The following SMG7 variants were observed in gnomAD, a reference collection of about 807,000 sequenced individuals.
The protein encoded by SMG7 is nonsense-mediated mRNA decay factor SMG7.
Under a neutral mutation model 148.2 loss-of-function variants are expected in SMG7, and 34 were observed. The observed-to-expected ratio is 0.23, with a 90% CI of 0.17 to 0.31. SMG7 has a LOEUF of 0.31. Ranked by LOEUF, SMG7 falls within the 10% of genes least tolerant of loss-of-function variation. The pLI, the probability that SMG7 is intolerant of heterozygous loss-of-function variation, is 1.00. For synonymous variants in SMG7, 492 were observed against 515.1 expected (o/e 0.96, Z 0.61); for missense variants, 1,114 against 1,408.4 (o/e 0.79, Z 3.35).
In SMG7 at chr1:183,546,264, T is replaced by C. The variant is rs193125763; in HGVS notation, c.2669T>C (p.Ile890Thr). Residue 890 changes from isoleucine (I) to threonine (T), a missense_variant, in exon 17 of 23, where the codon ATA (isoleucine) becomes ACA (threonine). Transcript: ENST00000688051. ...TCTGTAATGGCACAGCAAGCAAACA[T>C]AGACCGCAGGGGCAAACGGTCACCA... Reference protein sequence around the residue: ...NRSVMAQQANIDRRGKRSPGV... With the variant: ...NRSVMAQQANTDRRGKRSPGV... 2 of 1,613,956 alleles carry C rather than the reference T, an allele frequency of 1.2e-6. No individual in the cohort carries two copies. Among genetic ancestry groups the C allele is most frequent in the Non-Finnish European group, 1.7e-6 (2 of 1,179,946 alleles).
In SMG7 at chr1:183,552,728, C is replaced by T. The variant is rs886250228; in HGVS notation, c.*797C>T. On this transcript the variant is annotated 3_prime_UTR_variant, in exon 23 of 23. Transcript: ENST00000688051. ...TAGACTGCTGTAGGATTTCAAATTA[C>T]GTTTTTGATTCCTGTACATTTTACA... is the stretch of plus-strand genomic sequence containing the variant. 9.1e-6 allele frequency: 12 copies of T among 1,319,346 alleles called. No individual in the cohort carries two copies. Among genetic ancestry groups the T allele is most frequent in the Middle Eastern group, 2.9e-4 (1 of 3,480 alleles). The allele number at this position is 1,319,346 out of a possible 1,614,324, so 81.7% of individuals were successfully genotyped here.
intron 6 of SMG7, 23 bp from the exon 7 acceptor site, chr1:183,528,869 A>AGAATCTTAACTTTCTCCT: frequency 6.2e-7 from 1 of 1,600,256 alleles, no homozygotes; most frequent in Non-Finnish European, 8.5e-7. Context: ...GGGTTACTCC[A>AGAATCTTAACTTTCTCCT]GAATCTTAAC....
intron 10 of SMG7, among the ~76,000 whole-genome samples, chr1:183,534,870 A>G (rs972828016): frequency 6.6e-6 from 1 of 151,934 alleles, no homozygotes; most frequent in African/African-American, 2.4e-5. Flanking sequence ...GAAAGACCTT[A>G]TGGTCTGTCT....
intron 1 of SMG7, among the ~76,000 whole-genome samples, chr1:183,492,482 A>G (rs1657311518): frequency 6.6e-6 from 1 of 152,226 alleles, no homozygotes; most frequent in South Asian, 2.1e-4. Context: ...TTTTGAAATC[A>G]GGTAATCTAA....
intron 4 of SMG7, among the ~76,000 whole-genome samples, chr1:183,526,200 G>A (rs949805639): frequency 3.3e-5 from 5 of 150,288 alleles, no homozygotes; most frequent in Admixed American, 6.6e-5. Flanking sequence ...CCAGGCTGGA[G>A]TGCAGTGGCG....
chr1:183,503,002 C>G (rs1660082696), intron 1 of SMG7, among the ~76,000 whole-genome samples: 1 of 152,186 alleles, frequency 6.6e-6, no homozygotes, highest in South Asian at 2.1e-4. Flanking sequence ...AGTGATACCT[C>G]TAGCCTGGCC....
chr1:183,480,833 C>T (rs1372525784), intron 1 of SMG7, among the ~76,000 whole-genome samples: 2 of 152,150 alleles, frequency 1.3e-5, no homozygotes, highest in South Asian at 2.1e-4. Flanking sequence ...TTCCTGCAAG[C>T]ATCAAGAAGG....
chr1:183,529,121 A>G, intron 7 of SMG7, 79 bp downstream of exon 7: 1 of 1,327,358 alleles, frequency 7.5e-7, no homozygotes, highest in Non-Finnish European at 1.0e-6. Flanking sequence ...AATTTGGTTT[A>G]CAGAAAATAA....
intron 1 of SMG7, among the ~76,000 whole-genome samples, chr1:183,486,651 C>T (rs1417786966): frequency 2.6e-5 from 4 of 151,970 alleles, no homozygotes; most frequent in Non-Finnish European, 5.9e-5. Context: ...CCTCGTGATC[C>T]ACCTGCATTG....
chr1:183,474,535 G>A (rs1257400826), intron 1 of SMG7, among the ~76,000 whole-genome samples: 1 of 152,218 alleles, frequency 6.6e-6, no homozygotes. Context: ...TTGCACTCCA[G>A]CCTGGGCAAC....
chr1:183,519,744 A>G (rs998880864), intron 4 of SMG7, among the ~76,000 whole-genome samples: 1 of 152,126 alleles, frequency 6.6e-6, no homozygotes, highest in African/African-American at 2.4e-5. Flanking sequence ...AGACCACACT[A>G]TATATCCATT....
Position 183,546,141 on chromosome 1 carries a change from T to A in SMG7, c.2546T>A (p.Met849Lys). The A allele has an allele frequency of 6.2e-7, 1 of 1,613,692 alleles. No homozygotes were observed. Among genetic ancestry groups the A allele is most frequent in the Non-Finnish European group, 8.5e-7 (1 of 1,179,836 alleles). The change falls in exon 17 of 23, where the codon ATG becomes AAG. Residue 849 changes from methionine to lysine, a missense_variant. Physicochemically the swap from Met to Lys is moderately conservative, Grantham distance 95. Coordinates refer to ENST00000688051, the MANE Select transcript of SMG7 (RefSeq NM_001375584.1). ...CAGCAGCAGCCTCTAGAAAAAAAAA[T>A]GAAGCCTTTTCCCATGGAGCCATAT... ...VMQQQPLEKK[M>K]KPFPMEPYNH...
At chr1:183,488,572 A>C (rs753068750) in intron 1 of SMG7, among the ~76,000 whole-genome samples, 7 of 152,154 alleles carry the variant, frequency 4.6e-5, no homozygotes, top group Non-Finnish European at 1.0e-4. Flanking sequence ...GCATGTGTCA[A>C]GTGCTCATGT....
At chr1:183,479,232 T>C (rs1399959631) in intron 1 of SMG7, among the ~76,000 whole-genome samples, 1 of 152,170 alleles carries the variant, frequency 6.6e-6, no homozygotes, top group Non-Finnish European at 1.5e-5. Context: ...TTTTTTCTTG[T>C]CTGTTTCATT....
chr1:183,528,955 T>G lies in SMG7; in HGVS notation c.620T>G (p.Phe207Cys). 1 of 1,613,646 alleles carries G rather than the reference T, an allele frequency of 6.2e-7. No individual in the cohort carries two copies. Among genetic ancestry groups the G allele is most frequent in the Non-Finnish European group, 8.5e-7 (1 of 1,179,612 alleles). The change falls in exon 7 of 23, where the codon TTC becomes TGC. Residue 207 changes from phenylalanine (F) to cysteine (C), a missense_variant. By Grantham distance (205) the Phe-to-Cys change is radical. Coordinates refer to ENST00000688051, the MANE Select transcript of SMG7 (RefSeq NM_001375584.1). ...SSKGDHLTTI[F>C]YYCRSIAVKF... ...AAAGGAGACCATCTGACCACAATTT[T>G]CTACTACTGCAGAAGCATTGCTGTG...
chr1:183,544,571 G>C, intron 15 of SMG7, 74 bp downstream of exon 15: 1 of 1,496,556 alleles, frequency 6.7e-7, no homozygotes, highest in African/African-American at 1.4e-5. Context: ...TGAGAAATGT[G>C]TTTTCTGTTG....
At chr1:183,526,154 A>AT (rs1213739007) in intron 4 of SMG7, among the ~76,000 whole-genome samples, 10 of 73,392 alleles carry the variant, frequency 1.4e-4, no homozygotes, top group African/African-American at 4.6e-4. Context: ...ATATATATAT[A>AT]TATTTTTTTT....
intron 1 of SMG7, among the ~76,000 whole-genome samples, chr1:183,477,863 G>A (rs1653058811): frequency 6.6e-6 from 1 of 152,060 alleles, no homozygotes; most frequent in Non-Finnish European, 1.5e-5. Flanking sequence ...TACATGTATA[G>A]TGAAGACGCT....
At chr1:183,492,879 G>A (rs1244273905) in intron 1 of SMG7, among the ~76,000 whole-genome samples, 4 of 152,020 alleles carry the variant, frequency 2.6e-5, no homozygotes, top group Admixed American at 6.6e-5. Context: ...CATCCGACAC[G>A]TTATATATGT....
Sources: gnomAD v4.1 joint callset for allele counts (sites outside exome capture counted in the v4.1 genomes callset) on GRCh38, gnomAD v4.1.1 for gene constraint, MANE v1.5 for transcripts, NCBI Gene and HGNC (gene_info 2026-07-23, HGNC 2026-07-21) for gene names.